Variants in MCPH1 observed in about 807,000 individuals in gnomAD.
The protein encoded by MCPH1 is microcephalin.
MCPH1 carries 104 observed loss-of-function variants against 84.5 expected under a neutral mutation model. That is an observed-to-expected ratio of 1.23 (90% CI 1.05 to 1.45). The LOEUF is 1.45. MCPH1 is among the 40% of genes most tolerant of loss of function. The pLI is 0.00. For missense variants in MCPH1, 1,498 were observed against 1,005.7 expected (o/e 1.49, Z -6.62); for synonymous variants, 514 against 366.8 (o/e 1.40, Z -4.58).
At chr8:6,455,286 A>G (rs1431514734) in intron 9 of MCPH1, 34 bp downstream of exon 9, 1 of 1,366,718 alleles carries the variant, frequency 7.3e-7, no homozygotes, top group African/African-American at 1.4e-5. Flanking sequence ...TAAACTTTCA[A>G]ATGCTGATAC....
At chr8:6,445,810 A>G in intron 8 of MCPH1, 1 of 1,238,998 alleles carries the variant, frequency 8.1e-7, no homozygotes, top group African/African-American at 1.5e-5. Context: ...TCAAAAGGAT[A>G]AGTAGTCCAT....
rs189177855 is a variant in MCPH1, at chr8:6,637,142, G to A, written c.2453-5852G>A. Among the ~76,000 whole-genome samples, 115 of 152,296 alleles carry A rather than the reference G, an allele frequency of 7.6e-4. No individual in the cohort carries two copies. The Middle Eastern group carries it at 0.024, about 32-fold the overall frequency. ...GATATTTCCTACACACTCGTCATATGCCGAGCATATCCTAGGCACTGCAGG... is the reference window on the plus strand; with the variant it reads ...GATATTTCCTACACACTCGTCATATACCGAGCATATCCTAGGCACTGCAGG... On this transcript the variant is annotated intron_variant, in intron 13 of 13. Transcript: ENST00000344683.
intron 13 of MCPH1, chr8:6,627,235 G>C (rs568290120): frequency 1.1e-5 from 11 of 985,428 alleles, no homozygotes; most frequent in East Asian, 1.1e-4. Flanking sequence ...TGTGAGGCTT[G>C]ATCAGTCACC....
chr8:6,601,342 T>C (rs989237731), intron 12 of MCPH1, among the ~76,000 whole-genome samples: 1 of 152,116 alleles, frequency 6.6e-6, no homozygotes, highest in East Asian at 1.9e-4. Context: ...GAGCAAAGCC[T>C]TCAAGACCTC....
intron 12 of MCPH1, among the ~76,000 whole-genome samples, chr8:6,586,559 T>C (rs1444589892): frequency 1.3e-5 from 2 of 152,196 alleles, no homozygotes; most frequent in Non-Finnish European, 2.9e-5. Flanking sequence ...CTACCCACTC[T>C]GTGCCGGTCA....
At chr8:6,613,293 G>T (rs907399172) in intron 12 of MCPH1, among the ~76,000 whole-genome samples, 1 of 152,220 alleles carries the variant, frequency 6.6e-6, no homozygotes, top group African/African-American at 2.4e-5. Context: ...ACAGTGGATA[G>T]AAACACGGAG....
At chr8:6,627,057 C>A (rs1796779620) in intron 13 of MCPH1, 3 of 985,328 alleles carry the variant, frequency 3.0e-6, no homozygotes, top group Non-Finnish European at 3.6e-6. Context: ...TGAACATGTC[C>A]CATGTCGATG....
Position 6,436,347 on chromosome 8 carries a change from C to T in MCPH1, c.436+185C>T, listed in dbSNP as rs907180031. Among the ~76,000 whole-genome samples the T allele has an allele frequency of 2.0e-5, 3 of 152,330 alleles. 1 individual carries two copies. The highest frequency in any genetic ancestry group is 1.3e-4 in the Admixed American group (2 of 15,298). Reference sequence around the variant, plus strand: ...TTGGCTGGGAGCCATAATAGAGCCACGCAGCTTGAGCTAATCGACCACAGT... The same window carrying T: ...TTGGCTGGGAGCCATAATAGAGCCATGCAGCTTGAGCTAATCGACCACAGT... On this transcript the variant is annotated intron_variant, in intron 5 of 13. Coordinates refer to ENST00000344683, the MANE Select transcript of MCPH1 (RefSeq NM_024596.5).
intron 12 of MCPH1, among the ~76,000 whole-genome samples, chr8:6,574,491 A>T (rs1826910247): frequency 1.3e-5 from 2 of 152,226 alleles, no homozygotes; most frequent in Admixed American, 1.3e-4. Context: ...GTGGCTTAGG[A>T]CTTACATCTT....
intron 5 of MCPH1, among the ~76,000 whole-genome samples, chr8:6,437,183 G>C (rs1802776926): frequency 6.6e-6 from 1 of 152,072 alleles, no homozygotes; most frequent in Non-Finnish European, 1.5e-5. Context: ...CTATGTCACA[G>C]ATTCTCTATT....
intron 12 of MCPH1, among the ~76,000 whole-genome samples, chr8:6,600,384 T>A (rs1228160823): frequency 6.6e-6 from 1 of 152,236 alleles, no homozygotes; most frequent in Non-Finnish European, 1.5e-5. Flanking sequence ...GGTGGAGGTG[T>A]AACTGGTATT....
At chr8:6,636,035 T>C (rs1351355984) in intron 13 of MCPH1, among the ~76,000 whole-genome samples, 1 of 152,208 alleles carries the variant, frequency 6.6e-6, no homozygotes, top group Non-Finnish European at 1.5e-5. Flanking sequence ...TGCTTGGTAG[T>C]AGCATATAAA....
intron 12 of MCPH1, among the ~76,000 whole-genome samples, chr8:6,505,208 A>AATATATATATATTCTTATGTATATATAGG (rs1813078618): frequency 1.7e-5 from 1 of 60,082 alleles, no homozygotes; most frequent in Admixed American, 2.4e-4. Context: ...GTATATATAG[A>AATATATATATATTCTTATGTATATATAGG]ATATATATAT....
chr8:6,413,865 C>G (rs557824172), intron 2 of MCPH1, among the ~76,000 whole-genome samples: 2 of 152,186 alleles, frequency 1.3e-5, no homozygotes, highest in Non-Finnish European at 2.9e-5. Flanking sequence ...AGTGATTCTC[C>G]TGCCTCAGCC....
intron 13 of MCPH1, among the ~76,000 whole-genome samples, chr8:6,642,116 C>T (rs1286880143): frequency 1.3e-5 from 2 of 152,340 alleles, no homozygotes; most frequent in Non-Finnish European, 2.9e-5. Context: ...TTTCCACCTT[C>T]CATCACTCAT....
intron 9 of MCPH1, among the ~76,000 whole-genome samples, chr8:6,456,576 C>G (rs1158233802): frequency 1.3e-5 from 2 of 152,096 alleles, no homozygotes; most frequent in Non-Finnish European, 2.9e-5. Context: ...TTTACTGACC[C>G]TTTACCCTCT....
intron 12 of MCPH1, among the ~76,000 whole-genome samples, chr8:6,543,466 G>T (rs1821969952): frequency 6.6e-6 from 1 of 152,176 alleles, no homozygotes; most frequent in Non-Finnish European, 1.5e-5. Context: ...ACTCCTGTGA[G>T]CAAAACGCAC....
At chr8:6,534,526 C>T (rs949712630) in intron 12 of MCPH1, among the ~76,000 whole-genome samples, 1 of 152,110 alleles carries the variant, frequency 6.6e-6, no homozygotes. Flanking sequence ...GCCTCAGCCC[C>T]CCAAAGTGCT....
chr8:6,590,935 C>G (rs1828406707), intron 12 of MCPH1, among the ~76,000 whole-genome samples: 1 of 152,200 alleles, frequency 6.6e-6, no homozygotes, highest in African/African-American at 2.4e-5. Context: ...GAATTTTGCT[C>G]TTGTTGCCCA....
Sources: allele counts gnomAD v4.1 joint callset (sites outside exome capture counted in the v4.1 genomes callset), GRCh38; gene constraint gnomAD v4.1.1; transcripts MANE v1.5; gene names NCBI Gene and HGNC (gene_info 2026-07-23, HGNC 2026-07-21).